The following EPYC variants were observed in gnomAD, a reference collection of about 807,000 sequenced individuals.
The protein encoded by EPYC is dermatan sulfate proteoglycan 3.
Under a neutral mutation model 30.1 loss-of-function variants are expected in EPYC, and 28 were observed. That is an observed-to-expected ratio of 0.93 (90% CI 0.69 to 1.28). The LOEUF (loss-of-function observed/expected upper bound fraction) is 1.28, where lower values mean the gene tolerates loss of function less well. EPYC is among the 50% of genes most tolerant of loss of function. EPYC has a pLI of 0.00. For synonymous variants in EPYC, 144 were observed against 141.4 expected, an observed-to-expected ratio of 1.02 and a Z score of -0.13; for missense variants, 382 against 383.5, an observed-to-expected ratio of 1.00 and a Z score of 0.03.
Position 90,999,504 on chromosome 12 carries a change from A to C in EPYC, c.165+2897T>G, listed in dbSNP as rs189094819. 6.6e-5 allele frequency among the ~76,000 whole-genome samples: 10 copies of C among 152,192 alleles called. No homozygotes were observed. In the East Asian group the frequency reaches 1.9e-3, roughly 29 times the overall value. On this transcript the variant is annotated intron_variant, in intron 2 of 6. Transcript: ENST00000261172. The stretch of plus-strand genomic sequence containing the variant: ...ACATAGGAGATTTAAAAAAATATGA[A>C]GAATCTCATCCTACCATTTTCCATG...
chr12:90,979,649 A>T (rs1027231836), intron 2 of EPYC, among the ~76,000 whole-genome samples: 1 of 152,064 alleles, frequency 6.6e-6, no homozygotes, highest in Non-Finnish European at 1.5e-5. Flanking sequence ...GCTTCCATAG[A>T]GTCTCTCTAT....
chr12:90,999,635 C>G (rs1406227960), intron 2 of EPYC, among the ~76,000 whole-genome samples: 1 of 151,976 alleles, frequency 6.6e-6, no homozygotes, highest in African/African-American at 2.4e-5. Context: ...TTTGAAACAA[C>G]TCACCTTAAT....
intron 2 of EPYC, among the ~76,000 whole-genome samples, chr12:90,997,316 G>T (rs1163673112): frequency 6.8e-6 from 1 of 146,768 alleles, no homozygotes; most frequent in Non-Finnish European, 1.5e-5. Flanking sequence ...TAGAGGTGAG[G>T]AGGAGTTTAT....
At chr12:90,966,437 C>T (rs1389981869) in intron 6 of EPYC, among the ~76,000 whole-genome samples, 3 of 151,874 alleles carry the variant, frequency 2.0e-5, no homozygotes, top group African/African-American at 4.8e-5. Flanking sequence ...TAATATATTA[C>T]ATTGGTTGAT....
At chr12:90,972,535 A>G (rs1005377807) in intron 4 of EPYC, 19 of 219,228 alleles carry the variant, frequency 8.7e-5, no homozygotes, top group Non-Finnish European at 1.8e-5. Context: ...ATGTCATAAT[A>G]TGATAAAACA....
intron 3 of EPYC, among the ~76,000 whole-genome samples, chr12:90,977,059 T>C (rs1051575220): frequency 6.6e-6 from 1 of 152,162 alleles, no homozygotes; most frequent in Non-Finnish European, 1.5e-5. Flanking sequence ...CAGTATTGCC[T>C]CTAAATTTGT....
intron 2 of EPYC, among the ~76,000 whole-genome samples, chr12:90,990,680 C>A (rs1259588573): frequency 1.3e-5 from 2 of 152,038 alleles, no homozygotes; most frequent in Non-Finnish European, 2.9e-5. Context: ...GACCATAGAA[C>A]AAGTACAAAC....
intron 2 of EPYC, among the ~76,000 whole-genome samples, chr12:90,980,917 G>T (rs923881992): frequency 6.6e-6 from 1 of 152,050 alleles, no homozygotes; most frequent in Non-Finnish European, 1.5e-5. Flanking sequence ...TACTACGTAT[G>T]ACTTTGATTT....
chr12:90,996,655 C>T (rs1325831900), intron 2 of EPYC, among the ~76,000 whole-genome samples: 2 of 151,870 alleles, frequency 1.3e-5, no homozygotes, highest in South Asian at 2.1e-4. Context: ...TTTTATGGCA[C>T]TTCTCTTTAC....
At chr12:90,972,429 C>T (rs1877075749) in intron 4 of EPYC, 1 of 170,234 alleles carries the variant, frequency 5.9e-6, no homozygotes, top group African/African-American at 2.4e-5. Flanking sequence ...AGAATTTAGG[C>T]TTACATTCAT....
intron 6 of EPYC, among the ~76,000 whole-genome samples, chr12:90,965,840 T>A (rs1050090738): frequency 6.6e-6 from 1 of 152,098 alleles, no homozygotes; most frequent in Non-Finnish European, 1.5e-5. Context: ...GAGCTTGTAC[T>A]GCCTTTGTTA....
intron 2 of EPYC, among the ~76,000 whole-genome samples, chr12:90,998,592 G>T (rs540625903): frequency 6.6e-5 from 10 of 152,134 alleles, no homozygotes; most frequent in African/African-American, 2.2e-4. Context: ...TGGGTTTTGG[G>T]GATGGTTTGA....
Position 91,002,479 on chromosome 12 carries a change from G to A in EPYC, c.87C>T (p.Asp29=). The A allele has an allele frequency of 3.7e-6, 6 of 1,613,340 alleles. No homozygotes were observed. The highest frequency in any genetic ancestry group is 5.1e-6 in the Non-Finnish European group (6 of 1,179,586). ...TAPTLESINY[D]SETYDATLED... The stretch of plus-strand genomic sequence containing the variant: ...CTAAGGTGGCATCATAGGTTTCTGA[G>A]TCATAGTTGATGGACTCTAGAGTTG... Residue 29 remains aspartate, a synonymous_variant, in exon 2 of 7, where the codon GAC becomes GAT. Coordinates refer to ENST00000261172, the MANE Select transcript of EPYC (RefSeq NM_004950.5).
intron 2 of EPYC, among the ~76,000 whole-genome samples, chr12:90,997,792 C>T (rs1877728568): frequency 1.3e-5 from 2 of 151,880 alleles, no homozygotes; most frequent in Non-Finnish European, 2.9e-5. Context: ...TAACAGAGTC[C>T]ATTATCTATA....
At chr12:90,988,238 T>C (rs1877499997) in intron 2 of EPYC, among the ~76,000 whole-genome samples, 1 of 152,150 alleles carries the variant, frequency 6.6e-6, no homozygotes, top group Non-Finnish European at 1.5e-5. Context: ...GGAAAAGTGA[T>C]ATTTAAAATG....
chr12:91,001,800 A>G (rs1197286274), intron 2 of EPYC, among the ~76,000 whole-genome samples: 3 of 151,946 alleles, frequency 2.0e-5, no homozygotes, highest in Non-Finnish European at 4.4e-5. Flanking sequence ...TTGCTGATTG[A>G]CTTTTTCTAA....
At chr12:91,000,336 G>T (rs1213659066) in intron 2 of EPYC, among the ~76,000 whole-genome samples, 2 of 152,020 alleles carry the variant, frequency 1.3e-5, no homozygotes, top group Non-Finnish European at 2.9e-5. Flanking sequence ...ATTATATTTG[G>T]CATTCCACAG....
intron 2 of EPYC, among the ~76,000 whole-genome samples, chr12:90,986,406 G>C (rs2120843762): frequency 6.6e-6 from 1 of 152,244 alleles, no homozygotes; most frequent in Admixed American, 6.5e-5. Context: ...CAAATGGTCA[G>C]TATAGACTAG....
intron 3 of EPYC, among the ~76,000 whole-genome samples, chr12:90,975,563 T>C (rs562279903): frequency 4.3e-4 from 65 of 152,222 alleles, no homozygotes; most frequent in African/African-American, 1.5e-3. Context: ...TTAAAAGTCT[T>C]AGTTTTTGTT....
Sources: gnomAD v4.1 joint callset for allele counts (sites outside exome capture counted in the v4.1 genomes callset) on GRCh38, gnomAD v4.1.1 for gene constraint, MANE v1.5 for transcripts, NCBI Gene and HGNC (gene_info 2026-07-23, HGNC 2026-07-21) for gene names.